ADARB2: variants seen among roughly 807,000 people sequenced by gnomAD.
The protein encoded by ADARB2 is inactive double-stranded RNA-specific editase B2.
Under a neutral mutation model 62.2 loss-of-function variants are expected in ADARB2, and 25 were observed. The ratio of observed to expected loss-of-function variants is 0.40; its 90% CI spans 0.29 to 0.56. The LOEUF is 0.56. Among genes scored for constraint, ADARB2 ranks in the 20% least tolerant of loss-of-function variants. The pLI is 0.43. For synonymous variants in ADARB2, 572 were observed against 500.8 expected (o/e 1.14, Z -1.90); for missense variants, 1,071 against 1,077.4 (o/e 0.99, Z 0.08).
intron 1 of ADARB2, among the ~76,000 whole-genome samples, chr10:1,396,562 TA>T (rs1832615492): frequency 1.3e-5 from 2 of 152,110 alleles, no homozygotes; most frequent in Non-Finnish European, 2.9e-5. Context: ...TGACGCCTAC[TA>T]ACCGCCCGCC....
rs146456628 is a variant in ADARB2, at chr10:1,205,583, C to G, written c.1683-5436G>C. On this transcript the variant is annotated intron_variant, in intron 7 of 9. Transcript: ENST00000381312. The stretch of plus-strand genomic sequence containing the variant: ...GCTCTGCGGTCCGAATGCTTGTGTT[C>G]CCAAAAATTCACATGGAATCCTCAC... 8.4e-3 allele frequency among the ~76,000 whole-genome samples: 1,285 copies of G among 152,342 alleles called. 28 individuals are homozygous for G. The highest frequency in any genetic ancestry group is 0.029 in the African/African-American group (1,226 of 41,574).
chr10:1,395,366 G>T (rs928498840), intron 1 of ADARB2, among the ~76,000 whole-genome samples: 1 of 152,194 alleles, frequency 6.6e-6, no homozygotes, highest in African/African-American at 2.4e-5. Context: ...GGGACTCTCC[G>T]ACGGTCCTGG....
At chr10:1,466,553 G>C (rs1564298142) in intron 1 of ADARB2, among the ~76,000 whole-genome samples, 1 of 152,286 alleles carries the variant, frequency 6.6e-6, no homozygotes, top group South Asian at 2.1e-4. Context: ...ACCTCACCTA[G>C]TGGCTAGGCG....
chr10:1,275,014 A>T (rs944256473), intron 3 of ADARB2, among the ~76,000 whole-genome samples: 1 of 151,890 alleles, frequency 6.6e-6, no homozygotes, highest in Admixed American at 6.6e-5. Context: ...CTGGCCACCC[A>T]CTCTCCGCAC....
intron 1 of ADARB2, among the ~76,000 whole-genome samples, chr10:1,712,097 T>C (rs1385648646): frequency 3.3e-5 from 5 of 152,236 alleles, no homozygotes; most frequent in Admixed American, 6.5e-5. Context: ...TTGTAAGATG[T>C]ATTAAGAAAA....
At chr10:1,635,387 G>A (rs933347987) in intron 1 of ADARB2, among the ~76,000 whole-genome samples, 3 of 152,312 alleles carry the variant, frequency 2.0e-5, no homozygotes, top group South Asian at 4.1e-4. Context: ...CTTAGAATAC[G>A]TCTGCAAGAT....
chr10:1,200,741 G>A (rs537978988), intron 7 of ADARB2, among the ~76,000 whole-genome samples: 1 of 152,274 alleles, frequency 6.6e-6, no homozygotes, highest in East Asian at 1.9e-4. Context: ...AAAATGCCAA[G>A]AGCACTGACA....
At chr10:1,407,051 A>T (rs1280995245) in intron 1 of ADARB2, among the ~76,000 whole-genome samples, 1 of 152,250 alleles carries the variant, frequency 6.6e-6, no homozygotes, top group Non-Finnish European at 1.5e-5. Context: ...GCAGGCATCC[A>T]TAAAGCCCAC....
At chr10:1,341,431 A>ATG in intron 3 of ADARB2, among the ~76,000 whole-genome samples, 2 of 78,614 alleles carry the variant, frequency 2.5e-5, no homozygotes, top group South Asian at 9.9e-4. Context: ...AGAACGACGC[A>ATG]CCCCACAGCG....
chr10:1,677,286 C>T (rs1236024208), intron 1 of ADARB2, among the ~76,000 whole-genome samples: 1 of 152,196 alleles, frequency 6.6e-6, no homozygotes, highest in African/African-American at 2.4e-5. Flanking sequence ...CCGACTCGGA[C>T]CACTCTATGC....
intron 8 of ADARB2, among the ~76,000 whole-genome samples, chr10:1,196,558 A>G (rs1836914682): frequency 6.6e-6 from 1 of 152,162 alleles, no homozygotes; most frequent in African/African-American, 2.4e-5. Flanking sequence ...TTAAATGAAA[A>G]TTAATTATTA....
At chr10:1,185,574 C>T (rs1354060791) in intron 8 of ADARB2, among the ~76,000 whole-genome samples, 1 of 152,218 alleles carries the variant, frequency 6.6e-6, no homozygotes, top group East Asian at 1.9e-4. Flanking sequence ...GATCCTGAAA[C>T]CGCACTGGCT....
intron 5 of ADARB2, among the ~76,000 whole-genome samples, chr10:1,241,903 G>T (rs781000120): frequency 1.3e-5 from 2 of 152,226 alleles, no homozygotes; most frequent in Non-Finnish European, 2.9e-5. Context: ...GGAGGGAAAC[G>T]TGGAGTAAGG....
chr10:1,450,906 T>C (rs1831028139), intron 1 of ADARB2, among the ~76,000 whole-genome samples: 1 of 152,212 alleles, frequency 6.6e-6, no homozygotes, highest in African/African-American at 2.4e-5. Flanking sequence ...GTGACCCCAC[T>C]GGCCCTCACC....
chr10:1,589,930 C>T (rs77029399), intron 1 of ADARB2, among the ~76,000 whole-genome samples: 45 of 152,324 alleles, frequency 3.0e-4, no homozygotes, highest in Non-Finnish European at 5.3e-4. Context: ...CCTTGGCCTC[C>T]CAAAGTGTCA....
intron 4 of ADARB2, among the ~76,000 whole-genome samples, chr10:1,264,336 A>G (rs184501539): frequency 3.2e-4 from 48 of 152,320 alleles, no homozygotes; most frequent in African/African-American, 9.6e-4. Flanking sequence ...TTCAGGGGAG[A>G]CAACGGAAGG....
intron 1 of ADARB2, among the ~76,000 whole-genome samples, chr10:1,533,765 ACAT>A (rs1470852135): frequency 6.6e-6 from 1 of 152,192 alleles, no homozygotes; most frequent in African/African-American, 2.4e-5. Flanking sequence ...CCTCGGAGTA[ACAT>A]CAGCGTATGA....
intron 1 of ADARB2, among the ~76,000 whole-genome samples, chr10:1,643,365 G>A (rs780032463): frequency 2.6e-5 from 4 of 152,136 alleles, no homozygotes; most frequent in East Asian, 1.9e-4. Context: ...ATTTTTCCCC[G>A]CACTCACTTT....
chr10:1,634,086 G>T (rs563711268), intron 1 of ADARB2, among the ~76,000 whole-genome samples: 2 of 152,108 alleles, frequency 1.3e-5, no homozygotes, highest in African/African-American at 2.4e-5. Flanking sequence ...TCCCACCCTC[G>T]CCTGCTCCCA....
Sources: allele counts gnomAD v4.1 joint callset (sites outside exome capture counted in the v4.1 genomes callset), GRCh38; gene constraint gnomAD v4.1.1; transcripts MANE v1.5; gene names NCBI Gene and HGNC (gene_info 2026-07-23, HGNC 2026-07-21).